The following MFF variants were observed in gnomAD, a reference collection of about 807,000 sequenced individuals.
MFF encodes chromosome 2 open reading frame 33.
In MFF, 12 loss-of-function variants were observed where a neutral mutation model predicts 36.9. The ratio of observed to expected loss-of-function variants is 0.33; its 90% CI spans 0.21 to 0.53. MFF has a LOEUF of 0.53. MFF is among the 20% of genes least tolerant of loss of function. The pLI is 0.95. For missense variants in MFF, 348 were observed against 366.6 expected (o/e 0.95, Z 0.42); for synonymous variants, 99 against 126.2 (o/e 0.78, Z 1.44).
In MFF at chr2:227,333,895, T is replaced by C. The variant is rs186768398; in HGVS notation, c.351+1307T>C. Among the ~76,000 whole-genome samples, 50 of 152,310 alleles carry C rather than the reference T, an allele frequency of 3.3e-4. 1 individual carries two copies. The highest frequency in any genetic ancestry group is 9.6e-4 in the African/African-American group (40 of 41,574). ...GAAAGCAACCCAAGCAATTCCCTGA[T>C]TGATTATTTTAAGAGTGAGTGAAGA... On this transcript the variant is annotated intron_variant, in intron 4 of 8. Coordinates refer to ENST00000304593, the MANE Select transcript of MFF (RefSeq NM_001277062.2).
chr2:227,356,169 A>C (rs2076245924), intron 8 of MFF, among the ~76,000 whole-genome samples: 1 of 152,236 alleles, frequency 6.6e-6, no homozygotes, highest in African/African-American at 2.4e-5. Flanking sequence ...CCTTTCTTAG[A>C]ACTGCAGTTG....
At chr2:227,354,472 T>C (rs1004547859) in intron 7 of MFF, among the ~76,000 whole-genome samples, 2 of 152,228 alleles carry the variant, frequency 1.3e-5, no homozygotes, top group African/African-American at 4.8e-5. Context: ...CTATGCCATT[T>C]TACTAAAATA....
intron 5 of MFF, among the ~76,000 whole-genome samples, chr2:227,341,227 G>C (rs551318089): frequency 4.3e-4 from 65 of 151,792 alleles, no homozygotes; most frequent in Admixed American, 1.2e-3. Flanking sequence ...TCTCTAAAGA[G>C]TATAGGGGTA....
chr2:227,344,958 A>C (rs1394317348), intron 5 of MFF, among the ~76,000 whole-genome samples: 6 of 152,200 alleles, frequency 3.9e-5, no homozygotes, highest in Admixed American at 2.6e-4. Context: ...TTCATGTTAA[A>C]TTATAACTGA....
chr2:227,334,452 G>C (rs1222873882), intron 4 of MFF, among the ~76,000 whole-genome samples: 2 of 152,196 alleles, frequency 1.3e-5, no homozygotes, highest in Non-Finnish European at 2.9e-5. Context: ...GGGAGCCAGG[G>C]TTCTAGTAGC....
Position 227,342,905 on chromosome 2 carries a change from T to C in MFF, c.440+2525T>C. On this transcript the variant is annotated intron_variant, in intron 5 of 8. Coordinates refer to ENST00000304593, the MANE Select transcript of MFF (RefSeq NM_001277062.2). ...AATACTAATCTATTCACCAGGTAAT[T>C]GACGTATGCTATCCTAATTATCTTC... The C allele has an allele frequency of 8.6e-6, 10 of 1,163,150 alleles. 1 individual carries two copies. In the South Asian group the frequency reaches 1.4e-4, roughly 16 times the overall value. The allele number at this position is 1,163,150 out of a possible 1,614,324, so 72.1% of individuals were successfully genotyped here.
chr2:227,356,149 T>C (rs1185165635), intron 8 of MFF, among the ~76,000 whole-genome samples: 1 of 152,246 alleles, frequency 6.6e-6, no homozygotes, highest in East Asian at 1.9e-4. Context: ...TCCTGTATTC[T>C]GTAATAAATC....
chr2:227,354,139 G>A (rs900736957), intron 7 of MFF, among the ~76,000 whole-genome samples: 12 of 152,158 alleles, frequency 7.9e-5, no homozygotes, highest in African/African-American at 2.9e-4. Flanking sequence ...AGCCATAGAA[G>A]GAATATTTGG....
intron 8 of MFF, 116 bp from the exon 9 acceptor site, chr2:227,356,870 G>A (rs1021155308): frequency 1.1e-4 from 86 of 818,466 alleles, no homozygotes; most frequent in Middle Eastern, 4.9e-4. Context: ...AACTTTCCAT[G>A]TTTGTAATAA....
chr2:227,355,975 T>C (rs1314784791), intron 8 of MFF, among the ~76,000 whole-genome samples: 1 of 148,400 alleles, frequency 6.7e-6, no homozygotes, highest in Non-Finnish European at 1.5e-5. Context: ...TTAATGTAAT[T>C]CTGGCCAGTA....
intron 4 of MFF, among the ~76,000 whole-genome samples, chr2:227,338,338 C>A (rs2075156069): frequency 6.9e-6 from 1 of 144,806 alleles, no homozygotes; most frequent in Non-Finnish European, 1.5e-5. Context: ...CATTGCACTC[C>A]AGCCTGGGGG....
At chr2:227,338,325 C>T (rs1177013083) in intron 4 of MFF, among the ~76,000 whole-genome samples, 2 of 146,522 alleles carry the variant, frequency 1.4e-5, no homozygotes, top group African/African-American at 5.0e-5. Flanking sequence ...GCTGAAATAG[C>T]ACCATTGCAC....
At position 227,330,816 on chromosome 2, in the gene MFF, A is replaced by G; in HGVS notation, c.151A>G (p.Met51Val). ...AGGAGTTCCAAATGCTAGTGTGATA[A>G]TGCAAGTTCCGGAGAGGATTGTTGT... ...QEGVPNASVI[M>V]QVPERIVVAG... The change falls in exon 3 of 9, where the codon ATG becomes GTG. Residue 51 changes from methionine to valine, a missense_variant. Transcript: ENST00000304593. The G allele has an allele frequency of 6.2e-7, 1 of 1,614,238 alleles. No homozygotes were observed. Among genetic ancestry groups the G allele is most frequent in the Non-Finnish European group, 8.5e-7 (1 of 1,180,024 alleles).
chr2:227,354,734 A>G (rs2076174243), intron 7 of MFF, among the ~76,000 whole-genome samples: 1 of 149,720 alleles, frequency 6.7e-6, no homozygotes, highest in Non-Finnish European at 1.5e-5. Context: ...ATGGTTTTTC[A>G]GTATTATTTT....
At chr2:227,352,711 G>C (rs1421586334) in intron 7 of MFF, 138 bp downstream of exon 7, 2 of 713,472 alleles carry the variant, frequency 2.8e-6, no homozygotes, top group Non-Finnish European at 5.0e-6. Flanking sequence ...AGTACATCTT[G>C]CTTCTCTCTA....
At chr2:227,337,017 G>A (rs1414114624) in intron 4 of MFF, among the ~76,000 whole-genome samples, 1 of 152,220 alleles carries the variant, frequency 6.6e-6, no homozygotes, top group Non-Finnish European at 1.5e-5. Flanking sequence ...GGTTTCTTGA[G>A]CTCTTTTTCC....
chr2:227,355,759 C>G lies in MFF; in HGVS notation c.742C>G (p.Gln248Glu). Residue 248 changes from glutamine to glutamate, a missense_variant and splice_region_variant, in exon 8 of 9, where the codon CAG becomes GAG. Physicochemically the swap from Gln to Glu is conservative, Grantham distance 29. Coordinates refer to ENST00000304593, the MANE Select transcript of MFF (RefSeq NM_001277062.2). Reference protein sequence around the residue: ...TVVDAASLRRQIIKLNRRLQL... With the variant: ...TVVDAASLRREIIKLNRRLQL... ...TGTAGATGCAGCTTCACTAAGACGA[C>G]AGGTATTTAGTGTACCAAATAAGAT... The G allele has an allele frequency of 6.3e-7, 1 of 1,584,142 alleles. No homozygotes were observed. Among genetic ancestry groups the G allele is most frequent in the Non-Finnish European group, 8.7e-7 (1 of 1,153,242 alleles).
intron 5 of MFF, among the ~76,000 whole-genome samples, chr2:227,344,871 G>GT (rs1464740550): frequency 6.6e-6 from 1 of 152,128 alleles, no homozygotes; most frequent in Non-Finnish European, 1.5e-5. Context: ...TTTGATGCTG[G>GT]TTTTTGAGGA....
At chr2:227,345,112 T>C (rs189455270) in intron 5 of MFF, among the ~76,000 whole-genome samples, 37 of 152,304 alleles carry the variant, frequency 2.4e-4, no homozygotes, top group Admixed American at 1.0e-3. Context: ...CTGAAGTAAG[T>C]TTATGTTTGA....
Sources: allele counts gnomAD v4.1 joint callset (sites outside exome capture counted in the v4.1 genomes callset), GRCh38; gene constraint gnomAD v4.1.1; transcripts MANE v1.5; gene names NCBI Gene and HGNC (gene_info 2026-07-23, HGNC 2026-07-21).